The following MSRA variants were observed in gnomAD, a reference collection of about 807,000 sequenced individuals.
MSRA encodes mitochondrial peptide methionine sulfoxide reductase.
MSRA carries 54 observed loss-of-function variants against 31.3 expected under a neutral mutation model. The ratio of observed to expected loss-of-function variants is 1.73; its 90% CI spans 1.39 to 2.17. The LOEUF (loss-of-function observed/expected upper bound fraction) is 2.17. Among genes scored for constraint, MSRA ranks in the 30% most tolerant of loss-of-function variants. MSRA has a pLI of 0.00. For missense variants in MSRA, 507 were observed against 300.9 expected (o/e 1.69, Z -5.07); for synonymous variants, 169 against 116.5 (o/e 1.45, Z -2.90).
chr8:10,092,275 C>G (rs1798896451), intron 1 of MSRA, among the ~76,000 whole-genome samples: 1 of 151,980 alleles, frequency 6.6e-6, no homozygotes, highest in Non-Finnish European at 1.5e-5. Flanking sequence ...GGTTGGAAAA[C>G]ACACTTTGAC....
intron 1 of MSRA, among the ~76,000 whole-genome samples, chr8:10,150,682 G>A (rs1585038566): frequency 1.3e-5 from 2 of 152,150 alleles, no homozygotes; most frequent in South Asian, 2.1e-4. Flanking sequence ...TGTCTGACTC[G>A]GTAATTTGAC....
chr8:10,426,167 C>T (rs944103378), intron 5 of MSRA, among the ~76,000 whole-genome samples: 1 of 152,214 alleles, frequency 6.6e-6, no homozygotes, highest in Admixed American at 6.5e-5. Context: ...AAATCTACCC[C>T]TGTTAGTTAG....
At chr8:10,331,194 G>C (rs1193032642) in intron 5 of MSRA, among the ~76,000 whole-genome samples, 1 of 152,210 alleles carries the variant, frequency 6.6e-6, no homozygotes, top group Non-Finnish European at 1.5e-5. Flanking sequence ...TGTTATTGAA[G>C]CCACGTAGTC....
chr8:10,374,512 C>G (rs1470510761), intron 5 of MSRA, among the ~76,000 whole-genome samples: 1 of 152,136 alleles, frequency 6.6e-6, no homozygotes, highest in African/African-American at 2.4e-5. Context: ...CAAATTAAGT[C>G]TCAGAAATAT....
intron 2 of MSRA, among the ~76,000 whole-genome samples, chr8:10,217,595 G>C (rs781310122): frequency 5.9e-5 from 9 of 152,168 alleles, no homozygotes; most frequent in Non-Finnish European, 8.8e-5. Flanking sequence ...TGCTCGCTCA[G>C]CTTCCACAGG....
intron 3 of MSRA, among the ~76,000 whole-genome samples, chr8:10,293,006 A>T: frequency 6.6e-6 from 1 of 152,092 alleles, no homozygotes; most frequent in Non-Finnish European, 1.5e-5. Context: ...AGCAAGGAGG[A>T]GGGCTTGTTG....
intron 2 of MSRA, among the ~76,000 whole-genome samples, chr8:10,209,725 C>T (rs1014158012): frequency 6.6e-6 from 1 of 152,166 alleles, no homozygotes; most frequent in African/African-American, 2.4e-5. Flanking sequence ...CAGCTCTAGG[C>T]CCTTGGCCTT....
intron 5 of MSRA, among the ~76,000 whole-genome samples, chr8:10,424,758 C>T (rs1293118990): frequency 6.6e-6 from 1 of 152,172 alleles, no homozygotes; most frequent in Non-Finnish European, 1.5e-5. Context: ...AGGGGAGGTG[C>T]TGGGGCAGGC....
At chr8:10,190,801 A>G (rs1327029421) in intron 1 of MSRA, among the ~76,000 whole-genome samples, 2 of 152,142 alleles carry the variant, frequency 1.3e-5, no homozygotes, top group African/African-American at 2.4e-5. Context: ...AGGGTAGGAG[A>G]CATTGCTATG....
chr8:10,178,056 G>A (rs1175580636), intron 1 of MSRA, among the ~76,000 whole-genome samples: 9 of 152,238 alleles, frequency 5.9e-5, no homozygotes, highest in Admixed American at 5.9e-4. Flanking sequence ...TTTTACATCT[G>A]ATCACTTCCT....
intron 5 of MSRA, among the ~76,000 whole-genome samples, chr8:10,328,914 G>A (rs1802532644): frequency 6.6e-6 from 1 of 152,164 alleles, no homozygotes; most frequent in Non-Finnish European, 1.5e-5. Context: ...TGTTGCCACA[G>A]AGAGACCAAA....
At chr8:10,282,898 T>G (rs1216148552) in intron 3 of MSRA, among the ~76,000 whole-genome samples, 3 of 152,140 alleles carry the variant, frequency 2.0e-5, no homozygotes, top group Non-Finnish European at 2.9e-5. Context: ...GGAAAAGATT[T>G]GCATGTAATT....
Position 10,064,598 on chromosome 8 carries a change from C to T in MSRA, c.142+9940C>T, listed in dbSNP as rs182998017. Among the ~76,000 whole-genome samples, 10 of 152,256 alleles carry T rather than the reference C, an allele frequency of 6.6e-5. No homozygotes were observed. The East Asian group carries it at 7.7e-4, about 12-fold the overall frequency. ...ATTAAAATACAAAATTTAGGAACAT[C>T]GGATGTCTTCCCAGAGCATGTTTAT... On this transcript the variant is annotated intron_variant, in intron 1 of 5. Transcript: ENST00000317173.
At chr8:10,115,709 C>A (rs530982136) in intron 1 of MSRA, among the ~76,000 whole-genome samples, 13 of 152,170 alleles carry the variant, frequency 8.5e-5, no homozygotes, top group Non-Finnish European at 1.6e-4. Context: ...TAAGGAGGGC[C>A]CACGGATCTG....
chr8:10,105,338 A>T (rs1022372659), intron 1 of MSRA, among the ~76,000 whole-genome samples: 1 of 152,238 alleles, frequency 6.6e-6, no homozygotes, highest in African/African-American at 2.4e-5. Context: ...GATGAGGCAG[A>T]GAGGGCTAAT....
intron 5 of MSRA, among the ~76,000 whole-genome samples, chr8:10,398,887 G>A (rs1444806141): frequency 6.6e-6 from 1 of 152,210 alleles, no homozygotes; most frequent in Non-Finnish European, 1.5e-5. Context: ...CATTAGGAGT[G>A]GTGGGGCTGC....
chr8:10,196,492 C>G (rs1360032436), intron 1 of MSRA, among the ~76,000 whole-genome samples: 1 of 151,718 alleles, frequency 6.6e-6, no homozygotes, highest in East Asian at 1.9e-4. Flanking sequence ...TTCTGTGGGT[C>G]AGGAAGCGAG....
intron 2 of MSRA, among the ~76,000 whole-genome samples, chr8:10,234,108 T>G (rs1346350836): frequency 5.9e-5 from 9 of 152,126 alleles, no homozygotes; most frequent in Non-Finnish European, 1.3e-4. Context: ...ATAAAAAGAC[T>G]TAAGAGATTT....
intron 5 of MSRA, among the ~76,000 whole-genome samples, chr8:10,323,988 C>T (rs1220724814): frequency 2.6e-5 from 4 of 152,090 alleles, no homozygotes; most frequent in African/African-American, 9.7e-5. Context: ...TAAAACTGAC[C>T]CTAGATTCCA....
Sources: gnomAD v4.1 joint callset for allele counts (sites outside exome capture counted in the v4.1 genomes callset) on GRCh38, gnomAD v4.1.1 for gene constraint, MANE v1.5 for transcripts, NCBI Gene and HGNC (gene_info 2026-07-23, HGNC 2026-07-21) for gene names.